NFX1: variants seen among roughly 807,000 people sequenced by gnomAD.
The protein encoded by NFX1 is transcriptional repressor NF-X1.
In NFX1, 69 loss-of-function variants were observed where a neutral mutation model predicts 137.2. The ratio of observed to expected loss-of-function variants is 0.50; its 90% confidence interval spans 0.41 to 0.61. The LOEUF (loss-of-function observed/expected upper bound fraction) is 0.61. Ranked by LOEUF, NFX1 falls within the 20% of genes least tolerant of loss-of-function variation. NFX1 has a pLI of 0.00. For missense variants in NFX1, 1,167 were observed against 1,391.0 expected, an observed-to-expected ratio of 0.84 and a Z score of 2.56; for synonymous variants, 495 against 474.1, an observed-to-expected ratio of 1.04 and a Z score of -0.57.
chr9:33,299,141 G>A (rs1055246271), intron 2 of NFX1, among the ~76,000 whole-genome samples: 1 of 152,164 alleles, frequency 6.6e-6, no homozygotes, highest in African/African-American at 2.4e-5. Context: ...TAATGTTAAC[G>A]TCTTACATAA....
At chr9:33,347,753 C>G in intron 15 of NFX1, 1 of 350,164 alleles carries the variant, frequency 2.9e-6, no homozygotes. Flanking sequence ...GCACAATTCA[C>G]AATTGCAAAA....
At chr9:33,351,817 C>T in intron 16 of NFX1, 27 bp downstream of exon 16, 1 of 1,532,036 alleles carries the variant, frequency 6.5e-7, no homozygotes, top group South Asian at 1.3e-5. Flanking sequence ...ACAGATGCAG[C>T]ATTGACTGTA....
At chr9:33,325,412 C>G (rs561480716) in intron 9 of NFX1, among the ~76,000 whole-genome samples, 1 of 101,486 alleles carries the variant, frequency 9.9e-6, no homozygotes, top group Admixed American at 1.0e-4. Flanking sequence ...GCCTGTAATC[C>G]CAGCACTTTG....
chr9:33,316,377 C>G (rs956193139), intron 7 of NFX1, among the ~76,000 whole-genome samples: 5 of 151,766 alleles, frequency 3.3e-5, no homozygotes, highest in African/African-American at 4.8e-5. Context: ...GCCTCAGCCT[C>G]CCAAGTAGCT....
In NFX1 at chr9:33,332,486, C is replaced by G. The variant is rs1286081727; in HGVS notation, c.2019C>G (p.Thr673=). 1.9e-6 allele frequency: 3 copies of G among 1,586,298 alleles called. No homozygotes were observed. The highest frequency in any genetic ancestry group is 3.5e-5 in the Admixed American group (2 of 56,816). Residue 673 remains threonine, a synonymous_variant, in exon 11 of 24, where the codon ACC becomes ACG. Transcript: ENST00000379540. ...CSFRTKELPC[T]SLKSEDATFM... The stretch of plus-strand genomic sequence containing the variant: ...TTTTTCCATAGGAGCTTCCATGTAC[C>G]AGTCTCAAAAGTGAAGGTATGACTG...
At chr9:33,324,061 T>G (rs531040109) in intron 9 of NFX1, among the ~76,000 whole-genome samples, 1 of 152,208 alleles carries the variant, frequency 6.6e-6, no homozygotes, top group South Asian at 2.1e-4. Flanking sequence ...GAGCACGTAG[T>G]GAGACCCTAT....
rs753807128 is a variant in NFX1 at position 33,295,057 on chromosome 9, A to T, written c.663A>T (p.Ala221=). 32 of 1,614,176 alleles carry T rather than the reference A, an allele frequency of 2.0e-5. No homozygotes were observed. The East Asian group carries it at 6.7e-4, about 34-fold the overall frequency. Residue 221 remains alanine, a synonymous_variant, in exon 2 of 24, where the codon GCA becomes GCT. Coordinates refer to ENST00000379540, the MANE Select transcript of NFX1 (RefSeq NM_002504.6). ...VGVFHPDSSE[A]SSRKGVLDGY... ...TTTTCCACCCTGACTCTTCAGAGGC[A>T]TCCTCTAGAAAAGGAGTATTGGATG...
chr9:33,312,076 G>C (rs1821982437), intron 6 of NFX1, among the ~76,000 whole-genome samples: 1 of 152,186 alleles, frequency 6.6e-6, no homozygotes, highest in Non-Finnish European at 1.5e-5. Context: ...ACTGATAGCT[G>C]TGGAGTGTCT....
chr9:33,304,160 G>A (rs1821673312), intron 4 of NFX1, among the ~76,000 whole-genome samples: 4 of 152,178 alleles, frequency 2.6e-5, no homozygotes, highest in African/African-American at 9.7e-5. Flanking sequence ...TACTTGGGAG[G>A]CTGAGGCAGG....
chr9:33,335,817 C>A (rs1822982704), intron 11 of NFX1, among the ~76,000 whole-genome samples: 1 of 152,198 alleles, frequency 6.6e-6, no homozygotes, highest in African/African-American at 2.4e-5. Flanking sequence ...TTGTGCCCTG[C>A]TTCTTTCACT....
chr9:33,330,267 C>T (rs1261635896), intron 10 of NFX1, among the ~76,000 whole-genome samples: 3 of 152,114 alleles, frequency 2.0e-5, no homozygotes, highest in Non-Finnish European at 2.9e-5. Context: ...AATTGTGAAC[C>T]GTTGGTTCTG....
chr9:33,304,456 T>C (rs988088977), intron 4 of NFX1, among the ~76,000 whole-genome samples: 1 of 152,192 alleles, frequency 6.6e-6, no homozygotes, highest in African/African-American at 2.4e-5. Flanking sequence ...CTAACCAATT[T>C]GCTCATATTT....
chr9:33,290,680 C>T (rs940807385), intron 1 of NFX1, 83 bp downstream of exon 1: 1 of 1,397,002 alleles, frequency 7.2e-7, no homozygotes, highest in African/African-American at 1.4e-5. Context: ...GCCTCAGCCA[C>T]TCATATCGCG....
intron 15 of NFX1, chr9:33,347,577 T>A: frequency 4.7e-6 from 1 of 213,432 alleles, no homozygotes; most frequent in Non-Finnish European, 9.9e-6. Context: ...TTTACACTGC[T>A]GGTGGGAATG....
chr9:33,363,978 C>G, intron 19 of NFX1, 32 bp from the exon 20 acceptor site: 2 of 1,482,596 alleles, frequency 1.3e-6, no homozygotes, highest in South Asian at 1.3e-5. Flanking sequence ...CCTCCCACTC[C>G]TTTTATTTGC....
intron 14 of NFX1, among the ~76,000 whole-genome samples, 161 bp from the exon 15 acceptor site, chr9:33,346,877 C>A (rs905239187): frequency 6.6e-6 from 1 of 152,206 alleles, no homozygotes; most frequent in Non-Finnish European, 1.5e-5. Flanking sequence ...AACACTTTAA[C>A]ATAAAGCAAG....
At chr9:33,306,672 T>C (rs1179351093) in intron 4 of NFX1, among the ~76,000 whole-genome samples, 1 of 152,194 alleles carries the variant, frequency 6.6e-6, no homozygotes, top group Non-Finnish European at 1.5e-5. Flanking sequence ...AGATGTGCCA[T>C]GAAGATTTGC....
At chr9:33,367,648 G>C in intron 23 of NFX1, 29 bp downstream of exon 23, 1 of 1,606,810 alleles carries the variant, frequency 6.2e-7, no homozygotes, top group Non-Finnish European at 8.5e-7. Flanking sequence ...TTTCCAAGGG[G>C]ACCTGTCTGT....
intron 22 of NFX1, among the ~76,000 whole-genome samples, chr9:33,367,103 G>C (rs1487746218): frequency 1.3e-5 from 2 of 152,182 alleles, no homozygotes; most frequent in East Asian, 3.8e-4. Flanking sequence ...CTGTTCCTCT[G>C]TCTGTCCTCT....
Sources: gnomAD v4.1 joint callset for allele counts (sites outside exome capture counted in the v4.1 genomes callset) on GRCh38, gnomAD v4.1.1 for gene constraint, MANE v1.5 for transcripts, NCBI Gene and HGNC (gene_info 2026-07-23, HGNC 2026-07-21) for gene names.